The following CCDC171 variants were observed in gnomAD, a reference collection of about 807,000 sequenced individuals.
CCDC171 encodes coiled-coil domain-containing protein 171.
A neutral mutation model predicts 168.2 loss-of-function variants in CCDC171; 177 were observed. The ratio of observed to expected loss-of-function variants is 1.05; its 90% CI spans 0.93 to 1.19. CCDC171 has a LOEUF of 1.19. Ranked by LOEUF, CCDC171 falls within the 50% of genes most tolerant of loss-of-function variation. The probability of loss-of-function intolerance (pLI) is 0.00; values close to 1 mark genes in which losing one functional copy is unlikely to be tolerated. For synonymous variants in CCDC171, 687 were observed against 540.8 expected, an observed-to-expected ratio of 1.27 and a Z score of -3.75; for missense variants, 1,991 against 1,539.0, an observed-to-expected ratio of 1.29 and a Z score of -4.91.
In CCDC171 at chr9:15,987,860, T is replaced by C. The variant is rs542560955; in HGVS notation, n.369-32729T>C. 9.8e-5 allele frequency among the ~76,000 whole-genome samples: 15 copies of C among 152,332 alleles called. No homozygotes were observed. The East Asian group carries it at 2.5e-3, about 25-fold the overall frequency. ...TCATTTATGTTTCATATATACCTTA[T>C]ACACACGGCCTGAAAGGAATTGTAT... On this transcript the variant is annotated intron_variant and non_coding_transcript_variant, in intron 3 of 9. Coordinates refer to the CCDC171 transcript ENST00000486641.
At chr9:15,944,619 G>C (rs952572925) in intron 25 of CCDC171, among the ~76,000 whole-genome samples, 9 of 151,980 alleles carry the variant, frequency 5.9e-5, no homozygotes, top group Admixed American at 2.6e-4. Flanking sequence ...CAGCTCAAGA[G>C]CCCATTCATA....
At chr9:16,023,004 C>G (rs1833204482) in intron 6 of CCDC171, 1 of 152,158 alleles carries the variant, frequency 6.6e-6, no homozygotes, top group Non-Finnish European at 1.5e-5. Context: ...TTCAGTGTTT[C>G]CCAAGCACTA....
At chr9:15,950,544 AAT>A (rs1276783355) in intron 25 of CCDC171, among the ~76,000 whole-genome samples, 2 of 152,146 alleles carry the variant, frequency 1.3e-5, no homozygotes, top group Non-Finnish European at 2.9e-5. Flanking sequence ...GTGAAGGAGA[AAT>A]AAAATCCTTA....
At chr9:15,692,559 A>T (rs1333898473) in intron 10 of CCDC171, among the ~76,000 whole-genome samples, 4 of 146,890 alleles carry the variant, frequency 2.7e-5, no homozygotes, top group Admixed American at 6.8e-5. Context: ...ACAGAGTCTC[A>T]CTCTTTTTCC....
At chr9:15,676,680 A>T (rs1426768510) in intron 9 of CCDC171, among the ~76,000 whole-genome samples, 3 of 151,860 alleles carry the variant, frequency 2.0e-5, no homozygotes, top group African/African-American at 7.3e-5. Flanking sequence ...GATTTTCTCC[A>T]TTGGAAAGTA....
At chr9:15,876,122 T>C (rs1014183385) in intron 24 of CCDC171, 2 of 152,072 alleles carry the variant, frequency 1.3e-5, no homozygotes. Context: ...TTCCCCAAAA[T>C]GCCCTTTTTG....
chr9:15,949,921 A>G (rs572670693), intron 25 of CCDC171, among the ~76,000 whole-genome samples: 43 of 152,270 alleles, frequency 2.8e-4, no homozygotes, highest in African/African-American at 1.0e-3. Flanking sequence ...TTGCCCATTC[A>G]GTATGATATT....
intron 3 of CCDC171, among the ~76,000 whole-genome samples, chr9:16,005,532 C>T (rs146212225): frequency 1.0e-3 from 159 of 152,178 alleles, no homozygotes; most frequent in African/African-American, 3.0e-3. Context: ...GCAGGTTCTA[C>T]GTCTGTGGAT....
chr9:15,574,076 A>T (rs892670880), intron 3 of CCDC171, among the ~76,000 whole-genome samples: 3 of 152,086 alleles, frequency 2.0e-5, no homozygotes, highest in African/African-American at 7.2e-5. Context: ...ACAGGAAATT[A>T]TAATTGGTTC....
At chr9:15,672,124 G>A (rs960232919) in intron 9 of CCDC171, among the ~76,000 whole-genome samples, 2 of 152,144 alleles carry the variant, frequency 1.3e-5, no homozygotes, top group South Asian at 2.1e-4. Context: ...TTTTTCATAT[G>A]TCTGTTGGCT....
intron 21 of CCDC171, among the ~76,000 whole-genome samples, chr9:15,824,252 G>A (rs138927636): frequency 6.6e-6 from 1 of 151,808 alleles, no homozygotes; most frequent in Non-Finnish European, 1.5e-5. Context: ...AATAAATTAT[G>A]TATTTCACAT....
At chr9:15,991,482 G>A (rs1326116282) in intron 3 of CCDC171, among the ~76,000 whole-genome samples, 1 of 149,820 alleles carries the variant, frequency 6.7e-6, no homozygotes, top group African/African-American at 2.6e-5. Flanking sequence ...AAACAGGAAA[G>A]ATCTAAAATT....
intron 14 of CCDC171, among the ~76,000 whole-genome samples, chr9:15,726,948 G>C (rs1470673609): frequency 1.3e-5 from 2 of 152,030 alleles, no homozygotes; most frequent in Admixed American, 1.3e-4. Context: ...TATAAAGAGA[G>C]CTATTTGACA....
intron 11 of CCDC171, among the ~76,000 whole-genome samples, chr9:15,708,010 G>C (rs1417367675): frequency 6.6e-6 from 1 of 152,070 alleles, no homozygotes. Context: ...ACTACGCCTG[G>C]CTAATTTTTG....
At chr9:16,061,249 G>A (rs1833927629) in exon 2 of CCDC171, 1 of 152,180 alleles carries the variant, frequency 6.6e-6, no homozygotes, top group Admixed American at 6.5e-5. Context: ...GCTTGCTAGT[G>A]CTCAAGAAAT....
rs567716943 is a variant in CCDC171 at position 15,633,101 on chromosome 9, C to T, written c.822+9688C>T. 1.1e-3 allele frequency among the ~76,000 whole-genome samples: 161 copies of T among 152,296 alleles called. 1 individual carries two copies. Among genetic ancestry groups the T allele is most frequent in the African/African-American group, 3.8e-3 (158 of 41,548 alleles). On this transcript the variant is annotated intron_variant, in intron 7 of 25. Transcript: ENST00000380701. ...AAAACCTAGGCATTAGCATTCAGGACATAGGCATGGGCAAGGACTTCATGT... is the reference window on the plus strand; with the variant it reads ...AAAACCTAGGCATTAGCATTCAGGATATAGGCATGGGCAAGGACTTCATGT...
intron 6 of CCDC171, among the ~76,000 whole-genome samples, chr9:16,027,477 A>G (rs530756197): frequency 4.6e-5 from 7 of 152,224 alleles, no homozygotes; most frequent in Admixed American, 2.0e-4. Flanking sequence ...TTAATATTTT[A>G]TATTCACCTG....
At chr9:15,842,264 G>C (rs982140950) in intron 21 of CCDC171, among the ~76,000 whole-genome samples, 15 of 151,926 alleles carry the variant, frequency 9.9e-5, no homozygotes, top group African/African-American at 3.4e-4. Context: ...CCTGGGGCTT[G>C]GTCTTCTTAG....
chr9:16,051,922 C>T (rs1833756747), intron 1 of CCDC171, among the ~76,000 whole-genome samples: 1 of 152,174 alleles, frequency 6.6e-6, no homozygotes, highest in Non-Finnish European at 1.5e-5. Context: ...GGAGCAAAGT[C>T]ACGTCTTACA....
Sources: allele counts gnomAD v4.1 joint callset (sites outside exome capture counted in the v4.1 genomes callset), GRCh38; gene constraint gnomAD v4.1.1; transcripts MANE v1.5; gene names NCBI Gene and HGNC (gene_info 2026-07-23, HGNC 2026-07-21).